Variants in SPTLC3 observed in about 807,000 individuals in gnomAD.
The protein encoded by SPTLC3 is serine palmitoyltransferase long chain base subunit 3, also known as serine palmitoyltransferase 3.
SPTLC3 carries 36 observed loss-of-function variants against 59.3 expected under a neutral mutation model. That is an observed-to-expected ratio of 0.61 (90% CI 0.47 to 0.80). The LOEUF (loss-of-function observed/expected upper bound fraction) is 0.80. SPTLC3 is among the 30% of genes least tolerant of loss of function. The probability of loss-of-function intolerance (pLI) is 0.00; values close to 1 mark genes in which losing one functional copy is unlikely to be tolerated. For synonymous variants in SPTLC3, 257 were observed against 240.8 expected, an observed-to-expected ratio of 1.07 and a Z score of -0.62; for missense variants, 625 against 685.1, an observed-to-expected ratio of 0.91 and a Z score of 0.98.
At chr20:13,060,846 C>T (rs1409262123) in intron 2 of SPTLC3, among the ~76,000 whole-genome samples, 1 of 151,336 alleles carries the variant, frequency 6.6e-6, no homozygotes, top group Non-Finnish European at 1.5e-5. Context: ...ATGCACACAC[C>T]ACATTTGCTT....
At position 13,071,734 on chromosome 20, in the gene SPTLC3, T is replaced by C. The variant is rs140112229; in HGVS notation, c.304-522T>C. 3.6e-3 allele frequency among the ~76,000 whole-genome samples: 544 copies of C among 152,298 alleles called. 4 individuals are homozygous for C. The highest frequency in any genetic ancestry group is 0.013 in the African/African-American group (525 of 41,554). On this transcript the variant is annotated intron_variant, in intron 2 of 11. Coordinates refer to ENST00000399002, the MANE Select transcript of SPTLC3 (RefSeq NM_018327.4). ...ACTTTATACAGCAACTCAGCGTTCT[T>C]ACCTCAGCTGTGAGAGAGGCCCGCT... is the stretch of plus-strand genomic sequence containing the variant.
intron 1 of SPTLC3, among the ~76,000 whole-genome samples, chr20:13,035,600 G>A (rs1986699029): frequency 1.3e-5 from 2 of 152,064 alleles, no homozygotes; most frequent in African/African-American, 4.8e-5. Flanking sequence ...ACTGCTAACT[G>A]GTCAATGATT....
chr20:13,087,103 C>G (rs934671349), intron 4 of SPTLC3, among the ~76,000 whole-genome samples: 1 of 152,124 alleles, frequency 6.6e-6, no homozygotes, highest in East Asian at 1.9e-4. Flanking sequence ...GCCTCCTCCC[C>G]GTCTTTAAGC....
intron 1 of SPTLC3, among the ~76,000 whole-genome samples, chr20:13,045,272 A>G (rs1168809155): frequency 2.6e-5 from 4 of 152,208 alleles, no homozygotes; most frequent in African/African-American, 7.2e-5. Context: ...ACTGTAGGCA[A>G]TGTGGCTCAG....
intron 8 of SPTLC3, among the ~76,000 whole-genome samples, chr20:13,119,421 G>C (rs1013852112): frequency 7.2e-5 from 11 of 152,150 alleles, no homozygotes; most frequent in African/African-American, 2.7e-4. Context: ...ATGTCAGCTA[G>C]AGTATTTTTA....
At chr20:13,144,394 C>T (rs1207021093) in intron 9 of SPTLC3, among the ~76,000 whole-genome samples, 2 of 152,192 alleles carry the variant, frequency 1.3e-5, no homozygotes, top group African/African-American at 4.8e-5. Flanking sequence ...ATCAATCATC[C>T]TCCCAGAAGT....
At chr20:13,032,973 C>T (rs1277055991) in intron 1 of SPTLC3, among the ~76,000 whole-genome samples, 1 of 152,170 alleles carries the variant, frequency 6.6e-6, no homozygotes, top group Non-Finnish European at 1.5e-5. Context: ...ACTTATCACT[C>T]TCTTTGACTT....
At chr20:13,164,705 G>A in intron 11 of SPTLC3, 49 bp from the exon 12 acceptor site, 1 of 1,424,594 alleles carries the variant, frequency 7.0e-7, no homozygotes, top group Non-Finnish European at 9.8e-7. Flanking sequence ...TGCAAAGCAG[G>A]GCTACTTAGG....
intron 1 of SPTLC3, among the ~76,000 whole-genome samples, chr20:13,030,688 C>T (rs1986397124): frequency 6.6e-6 from 1 of 152,092 alleles, no homozygotes; most frequent in African/African-American, 2.4e-5. Flanking sequence ...GGATGGAGGT[C>T]CTCCTCCTGG....
chr20:13,051,467 C>T (rs4504059), intron 2 of SPTLC3, among the ~76,000 whole-genome samples: 151,711 of 152,362 alleles, frequency 1, 75,535 homozygotes, highest in Middle Eastern at 1. Context: ...AGAAATGAGA[C>T]AGACAGCAAC....
chr20:13,015,032 G>T (rs930373961), intron 1 of SPTLC3, among the ~76,000 whole-genome samples: 1 of 152,138 alleles, frequency 6.6e-6, no homozygotes, highest in African/African-American at 2.4e-5. Context: ...AAGGGAATTA[G>T]CATGATCAGA....
chr20:13,086,583 C>G (rs903252624), intron 4 of SPTLC3, among the ~76,000 whole-genome samples: 1 of 152,126 alleles, frequency 6.6e-6, no homozygotes, highest in Non-Finnish European at 1.5e-5. Flanking sequence ...CCCCTGGATG[C>G]AAAACCACTC....
intron 6 of SPTLC3, among the ~76,000 whole-genome samples, chr20:13,098,191 TGAGAATACCCTATTCTTAAAGGG>T (rs1395401634): frequency 2.6e-5 from 4 of 152,186 alleles, no homozygotes; most frequent in Non-Finnish European, 2.9e-5. Flanking sequence ...TGTAATTGTA[TGAGAATACCCTATTCTTAAAGGG>T]GAGAATACCC....
At chr20:13,035,892 T>C (rs1986712854) in intron 1 of SPTLC3, among the ~76,000 whole-genome samples, 1 of 152,206 alleles carries the variant, frequency 6.6e-6, no homozygotes, top group Admixed American at 6.5e-5. Flanking sequence ...CCTAATTAAG[T>C]AAGGCAAATT....
chr20:13,086,701 G>A (rs944780505), intron 4 of SPTLC3, among the ~76,000 whole-genome samples: 4 of 152,130 alleles, frequency 2.6e-5, no homozygotes, highest in Non-Finnish European at 5.9e-5. Flanking sequence ...CCTGAAAAAG[G>A]ACTGTGTCTG....
At chr20:13,128,921 A>G (rs1054626990) in intron 9 of SPTLC3, among the ~76,000 whole-genome samples, 1 of 148,506 alleles carries the variant, frequency 6.7e-6, no homozygotes, top group African/African-American at 2.5e-5. Context: ...TTGTCACCCA[A>G]GCTGGAGTAC....
chr20:13,022,389 A>C (rs895412417), intron 1 of SPTLC3, among the ~76,000 whole-genome samples: 2 of 152,210 alleles, frequency 1.3e-5, no homozygotes, highest in Non-Finnish European at 2.9e-5. Flanking sequence ...ATGCAGCCCA[A>C]CACACAGTGG....
At chr20:13,115,783 G>C (rs1429598513) in intron 7 of SPTLC3, among the ~76,000 whole-genome samples, 1 of 152,094 alleles carries the variant, frequency 6.6e-6, no homozygotes, top group East Asian at 1.9e-4. Context: ...GCCCATCATG[G>C]ATCAGGTAGT....
At chr20:13,125,226 G>A (rs2037961107) in intron 8 of SPTLC3, among the ~76,000 whole-genome samples, 1 of 152,122 alleles carries the variant, frequency 6.6e-6, no homozygotes, top group Non-Finnish European at 1.5e-5. Flanking sequence ...GCTTACTTGG[G>A]ACCTTATATT....
Sources: gnomAD v4.1 joint callset for allele counts (sites outside exome capture counted in the v4.1 genomes callset) on GRCh38, gnomAD v4.1.1 for gene constraint, MANE v1.5 for transcripts, NCBI Gene and HGNC (gene_info 2026-07-23, HGNC 2026-07-21) for gene names.